MAPRE3: variants seen among roughly 807,000 people sequenced by gnomAD.
MAPRE3 encodes microtubule associated protein RP/EB family member 3.
Under a neutral mutation model 30.5 loss-of-function variants are expected in MAPRE3, and 2 were observed. The ratio of observed to expected loss-of-function variants is 0.07; its 90% CI spans 0.03 to 0.21. The LOEUF is 0.21. Among genes scored for constraint, MAPRE3 ranks in the 10% least tolerant of loss-of-function variants. The probability of loss-of-function intolerance (pLI) is 1.00; values close to 1 mark genes in which losing one functional copy is unlikely to be tolerated. For missense variants in MAPRE3, 204 were observed against 351.8 expected (o/e 0.58, Z 3.36); for synonymous variants, 110 against 127.7 (o/e 0.86, Z 0.93).
At chr2:27,007,613 CA>C (rs765198074) in intron 1 of MAPRE3, among the ~76,000 whole-genome samples, 1 of 152,156 alleles carries the variant, frequency 6.6e-6, no homozygotes, top group African/African-American at 2.4e-5. Context: ...ATCCACATGT[CA>C]AACAACAGTA....
At position 27,021,986 on chromosome 2, in the gene MAPRE3, C is replaced by G. The variant is rs145688858; in HGVS notation, c.-7-226C>G. Among the ~76,000 whole-genome samples, 67 of 152,306 alleles carry G rather than the reference C, an allele frequency of 4.4e-4. No individual in the cohort carries two copies. In the East Asian group the frequency reaches 0.012, roughly 27 times the overall value. On this transcript the variant is annotated intron_variant, in intron 1 of 6. Coordinates refer to ENST00000233121, the MANE Select transcript of MAPRE3 (RefSeq NM_012326.4). The stretch of plus-strand genomic sequence containing the variant: ...TCTGTAAATGCCTCAAGGCAGAGGC[C>G]ATTTCTTAATTAACTTGGAATTACT...
rs538817164 is a variant in MAPRE3, at chr2:26,995,891, A to G, written c.-8+25089A>G. On this transcript the variant is annotated intron_variant, in intron 1 of 6. Transcript: ENST00000233121. ...ACTAATGGGCCTTTTCTGTTTGGGG[A>G]CTACTGATATTCCGGCCACAGAAGA... Among the ~76,000 whole-genome samples, 687 of 144,934 alleles carry G rather than the reference A, an allele frequency of 4.7e-3. 5 individuals carry two copies. Among genetic ancestry groups the G allele is most frequent in the Non-Finnish European group, 7.7e-3 (514 of 67,088 alleles).
chr2:27,023,875 C>G (rs891742705), intron 3 of MAPRE3: 15 of 547,874 alleles, frequency 2.7e-5, no homozygotes, highest in Non-Finnish European at 4.3e-5. Flanking sequence ...CCACACAGTT[C>G]TTCCACACGG....
At chr2:27,024,895 C>A (rs573149284) in intron 4 of MAPRE3, among the ~76,000 whole-genome samples, 2 of 152,252 alleles carry the variant, frequency 1.3e-5, no homozygotes, top group Non-Finnish European at 2.9e-5. Context: ...CGCGTCGGAC[C>A]CCGTCATAGC....
chr2:26,988,270 A>G (rs987422154), intron 1 of MAPRE3, among the ~76,000 whole-genome samples: 9 of 151,954 alleles, frequency 5.9e-5, no homozygotes, highest in African/African-American at 2.2e-4. Context: ...CCAGCATCTC[A>G]TTATTCTGTG....
At chr2:27,017,100 A>G (rs1429674936) in intron 1 of MAPRE3, among the ~76,000 whole-genome samples, 2 of 152,198 alleles carry the variant, frequency 1.3e-5, no homozygotes, top group Admixed American at 1.3e-4. Flanking sequence ...GGAAAATTAA[A>G]AGGGCATCCT....
intron 1 of MAPRE3, among the ~76,000 whole-genome samples, chr2:26,979,784 T>C (rs1187393377): frequency 2.0e-5 from 3 of 152,032 alleles, no homozygotes; most frequent in Non-Finnish European, 4.4e-5. Context: ...GTGTGCTGGT[T>C]TTGAGTTTGG....
chr2:26,987,559 A>C (rs906661488), intron 1 of MAPRE3, among the ~76,000 whole-genome samples: 4 of 152,114 alleles, frequency 2.6e-5, no homozygotes, highest in Non-Finnish European at 5.9e-5. Flanking sequence ...AATTGCTTGA[A>C]CCTGGGAGGC....
chr2:26,973,935 T>A (rs982696629), intron 1 of MAPRE3, among the ~76,000 whole-genome samples: 2 of 152,226 alleles, frequency 1.3e-5, no homozygotes, highest in Non-Finnish European at 2.9e-5. Flanking sequence ...AAGGCACATG[T>A]CTCCCTCGCT....
intron 1 of MAPRE3, chr2:27,002,997 G>A (rs1167462406): frequency 6.6e-6 from 1 of 152,216 alleles, no homozygotes; most frequent in Non-Finnish European, 1.5e-5. Flanking sequence ...TGAGAAGATG[G>A]TGTCAGTAGA....
In MAPRE3 at chr2:27,003,638, C is replaced by T. The variant is rs529667413; in HGVS notation, c.-7-18574C>T. Reference sequence around the variant, plus strand: ...CCAGCTAATGCTGGGAAGGTGATACCTGACCAGTCACTACTGTCAAACTTC... The same window carrying T: ...CCAGCTAATGCTGGGAAGGTGATACTTGACCAGTCACTACTGTCAAACTTC... On this transcript the variant is annotated intron_variant, in intron 1 of 6. Transcript: ENST00000233121. Among the ~76,000 whole-genome samples, 16 of 152,328 alleles carry T rather than the reference C, an allele frequency of 1.1e-4. No homozygotes were observed. The East Asian group carries it at 2.1e-3, about 20-fold the overall frequency.
rs1268884085 is a variant in MAPRE3, at chr2:27,027,070, C to G, written c.*722C>G. 1 of 152,554 alleles carries G rather than the reference C, an allele frequency of 6.6e-6. No individual in the cohort carries two copies. The highest frequency in any genetic ancestry group is 1.9e-4 in the East Asian group (1 of 5,206). The allele number at this position is 152,554 out of a possible 1,614,324, so 9.5% of individuals were successfully genotyped here. On this transcript the variant is annotated 3_prime_UTR_variant, in exon 7 of 7. Transcript: ENST00000233121. Reference sequence around the variant, plus strand: ...CCACTCCCTCCAGCAGCCTGGTTCACCACACAAACTCTGCCTGGACCCCAT... The same window carrying G: ...CCACTCCCTCCAGCAGCCTGGTTCAGCACACAAACTCTGCCTGGACCCCAT...
chr2:26,995,842 T>TGTGTATATGTGTG (rs1572753429), intron 1 of MAPRE3, among the ~76,000 whole-genome samples: 1 of 150,118 alleles, frequency 6.7e-6, no homozygotes, highest in African/African-American at 2.5e-5. Flanking sequence ...TGTGTGTGTG[T>TGTGTATATGTGTG]TTTGGAAAAG....
chr2:27,025,593 G>A lies in MAPRE3; in HGVS notation c.480G>A (p.Arg160=), dbSNP rs773400487. The change falls in exon 5 of 7, where the codon AGG becomes AGA. Residue 160 remains arginine, a synonymous_variant. Coordinates refer to ENST00000233121, the MANE Select transcript of MAPRE3 (RefSeq NM_012326.4). ...KKLIGTAVPQ[R]TSPTGPKNMQ... ...TTTTCCTCTGGGCAGTTCCACAGAG[G>A]ACGTCCCCCACAGGCCCAAAAAACA... The A allele has an allele frequency of 1.9e-6, 3 of 1,578,828 alleles. No individual in the cohort carries two copies. The highest frequency in any genetic ancestry group is 1.7e-6 in the Non-Finnish European group (2 of 1,163,652).
At chr2:26,997,649 A>T (rs891803798) in intron 1 of MAPRE3, among the ~76,000 whole-genome samples, 1 of 152,162 alleles carries the variant, frequency 6.6e-6, no homozygotes, top group African/African-American at 2.4e-5. Flanking sequence ...GACCCGTACT[A>T]GTCCACAGCC....
Position 27,015,491 on chromosome 2 carries a change from C to T in MAPRE3, c.-7-6721C>T, listed in dbSNP as rs1666962759. Among the ~76,000 whole-genome samples the T allele has an allele frequency of 6.6e-6, 1 of 152,164 alleles. No homozygotes were observed. The highest frequency in any genetic ancestry group is 1.9e-4 in the East Asian group (1 of 5,192). On this transcript the variant is annotated intron_variant, in intron 1 of 6. Coordinates refer to ENST00000233121, the MANE Select transcript of MAPRE3 (RefSeq NM_012326.4). This position sits in a 1 kb window ranked among gnomAD's most constrained non-coding sequence, Gnocchi z 4.0. ...CTTGCTGGAGGCATGCTGGCCACCTCCTTCAGGACTGGTAGACCTGGTGTG... is the reference window on the plus strand; with the variant it reads ...CTTGCTGGAGGCATGCTGGCCACCTTCTTCAGGACTGGTAGACCTGGTGTG...
In MAPRE3 at chr2:27,011,274, C is replaced by G. The variant is rs191385633; in HGVS notation, c.-7-10938C>G. On this transcript the variant is annotated intron_variant, in intron 1 of 6. Transcript: ENST00000233121. ...TCTTTAAAGGCCCAATTAGGTGCCA[C>G]CTTCCTCCAGAAACCCTCTAACTGC... Among the ~76,000 whole-genome samples the G allele has an allele frequency of 6.8e-3, 1,038 of 152,334 alleles. 7 individuals carry two copies. Among genetic ancestry groups the G allele is most frequent in the Non-Finnish European group, 0.011 (721 of 68,026 alleles).
Position 26,990,249 on chromosome 2 carries a change from G to A in MAPRE3, c.-8+19447G>A, listed in dbSNP as rs574572869. ...AACAGTGTAGCTCCCCTGGACTCCT[G>A]ATGGTTCCCAAGGAAGCTGTGTATT... On this transcript the variant is annotated intron_variant, in intron 1 of 6. Coordinates refer to ENST00000233121, the MANE Select transcript of MAPRE3 (RefSeq NM_012326.4). Among the ~76,000 whole-genome samples the A allele has an allele frequency of 2.0e-5, 3 of 152,296 alleles. No individual in the cohort carries two copies. In the South Asian group the frequency reaches 6.2e-4, roughly 32 times the overall value.
rs188604698 is a variant in MAPRE3, at chr2:26,973,225, G to A, written c.-8+2423G>A. ...ATTTGTGAATCTTGGAACTGAGAAAGAATGCTATTGATAGTATTCCTGTGT... is the reference window on the plus strand; with the variant it reads ...ATTTGTGAATCTTGGAACTGAGAAAAAATGCTATTGATAGTATTCCTGTGT... On this transcript the variant is annotated intron_variant, in intron 1 of 6. Transcript: ENST00000233121. Among the ~76,000 whole-genome samples, 14 of 152,334 alleles carry A rather than the reference G, an allele frequency of 9.2e-5. No homozygotes were observed. The East Asian group carries it at 2.7e-3, about 29-fold the overall frequency.
Sources: gnomAD v4.1 joint callset for allele counts (sites outside exome capture counted in the v4.1 genomes callset) on GRCh38, gnomAD v4.1.1 for gene constraint, Gnocchi (gnomAD v3.1) non-coding constraint, MANE v1.5 for transcripts, NCBI Gene and HGNC (gene_info 2026-07-23, HGNC 2026-07-21) for gene names.